WDFY2: variants seen among roughly 807,000 people sequenced by gnomAD.
The protein encoded by WDFY2 is WD repeat and FYVE domain-containing protein 2.
WDFY2 carries 36 observed loss-of-function variants against 56.4 expected under a neutral mutation model. The ratio of observed to expected loss-of-function variants is 0.64; its 90% CI spans 0.49 to 0.84. The LOEUF (loss-of-function observed/expected upper bound fraction) is 0.84, where lower values mean the gene tolerates loss of function less well. Among genes scored for constraint, WDFY2 ranks in the 40% least tolerant of loss-of-function variants. The pLI, the probability that WDFY2 is intolerant of heterozygous loss-of-function variation, is 0.00. For synonymous variants in WDFY2, 176 were observed against 183.7 expected (o/e 0.96, Z 0.34); for missense variants, 444 against 512.2 (o/e 0.87, Z 1.29).
chr13:51,661,182 T>C (rs1955604813), intron 2 of WDFY2, among the ~76,000 whole-genome samples: 1 of 152,222 alleles, frequency 6.6e-6, no homozygotes. Flanking sequence ...CACTGATAAA[T>C]AATGGATCTT....
chr13:51,756,618 G>A, intron 10 of WDFY2, 156 bp downstream of exon 10: 1 of 985,394 alleles, frequency 1.0e-6, no homozygotes, highest in Non-Finnish European at 1.2e-6. Flanking sequence ...TTGCCACCAA[G>A]AGATTTGTGG....
In WDFY2 at chr13:51,649,788, G is replaced by A. The variant is rs186509936; in HGVS notation, c.138-10808G>A. Among the ~76,000 whole-genome samples, 342 of 152,122 alleles carry A rather than the reference G, an allele frequency of 2.2e-3. 2 individuals carry two copies. Among genetic ancestry groups the A allele is most frequent in the African/African-American group, 7.8e-3 (325 of 41,484 alleles). ...TTCTATTGGTCTATATCTCTGTTTTGGTACCAGTAACATGCTGTTTTGGTT... is the reference window on the plus strand; with the variant it reads ...TTCTATTGGTCTATATCTCTGTTTTAGTACCAGTAACATGCTGTTTTGGTT... On this transcript the variant is annotated intron_variant, in intron 1 of 11. Transcript: ENST00000298125.
At chr13:51,631,332 A>G (rs927393808) in intron 1 of WDFY2, among the ~76,000 whole-genome samples, 3 of 151,336 alleles carry the variant, frequency 2.0e-5, no homozygotes, top group Non-Finnish European at 4.4e-5. Context: ...TTCAGTCAGC[A>G]GTGAGCCATG....
At chr13:51,711,484 C>T (rs1283064037) in intron 4 of WDFY2, among the ~76,000 whole-genome samples, 1 of 152,132 alleles carries the variant, frequency 6.6e-6, no homozygotes, top group East Asian at 1.9e-4. Context: ...AAAGAAACTA[C>T]CATCAGAGTG....
intron 3 of WDFY2, among the ~76,000 whole-genome samples, chr13:51,703,205 A>G (rs1428145558): frequency 6.6e-6 from 1 of 152,226 alleles, no homozygotes; most frequent in Non-Finnish European, 1.5e-5. Flanking sequence ...AATCTTTAAA[A>G]TATCTAATTT....
At chr13:51,652,305 T>C (rs564025401) in intron 1 of WDFY2, among the ~76,000 whole-genome samples, 47 of 152,312 alleles carry the variant, frequency 3.1e-4, no homozygotes, top group Admixed American at 1.7e-3. Flanking sequence ...TGTCTCTGCA[T>C]GTGAGATGGG....
At chr13:51,705,796 T>C (rs1952070931) in intron 4 of WDFY2, among the ~76,000 whole-genome samples, 3 of 152,196 alleles carry the variant, frequency 2.0e-5, no homozygotes, top group Admixed American at 2.0e-4. Context: ...TCTTCAGTAC[T>C]TTTGAAGCTG....
rs116950358 is a variant in WDFY2, at chr13:51,675,002, G to A, written c.206-168G>A. Among the ~76,000 whole-genome samples, 1,118 of 152,280 alleles carry A rather than the reference G, an allele frequency of 7.3e-3. 69 individuals carry two copies. In the East Asian group the frequency reaches 0.16, roughly 22 times the overall value. On this transcript the variant is annotated intron_variant, in intron 2 of 11. Coordinates refer to ENST00000298125, the MANE Select transcript of WDFY2 (RefSeq NM_052950.4). The stretch of plus-strand genomic sequence containing the variant: ...AAAAGGATAACTGAACAACTATGGG[G>A]TGGCTGTAAAATTACTGTTTTTATT...
At chr13:51,628,753 G>A (rs1170280926) in intron 1 of WDFY2, among the ~76,000 whole-genome samples, 3 of 152,232 alleles carry the variant, frequency 2.0e-5, no homozygotes, top group African/African-American at 7.2e-5. Context: ...TGCAAGTCAT[G>A]TTTAACTGAA....
intron 3 of WDFY2, among the ~76,000 whole-genome samples, chr13:51,677,778 C>A (rs1434944890): frequency 6.6e-6 from 1 of 151,856 alleles, no homozygotes; most frequent in Admixed American, 6.6e-5. Context: ...AGTACTGGAG[C>A]AAGATCTGGT....
intron 8 of WDFY2, among the ~76,000 whole-genome samples, chr13:51,752,256 A>T (rs953334836): frequency 7.2e-5 from 11 of 152,234 alleles, no homozygotes; most frequent in Non-Finnish European, 1.5e-4. Flanking sequence ...GCTTAAGAAG[A>T]TTAAAGCTTT....
intron 3 of WDFY2, 53 bp downstream of exon 3, chr13:51,675,296 T>G (rs1955868044): frequency 2.1e-6 from 3 of 1,460,804 alleles, no homozygotes; most frequent in South Asian, 2.4e-5. Flanking sequence ...TCCTGTGGAG[T>G]ATGTATATGT....
intron 4 of WDFY2, among the ~76,000 whole-genome samples, chr13:51,707,939 CTTTTTTTTT>C (rs56054205): frequency 3.8e-4 from 22 of 57,560 alleles, no homozygotes; most frequent in Admixed American, 1.6e-3. Context: ...CCTAAAACAA[CTTTTTTTTT>C]TTTTTTTTTT....
chr13:51,747,287 C>G (rs547653849), intron 7 of WDFY2, among the ~76,000 whole-genome samples: 1 of 152,242 alleles, frequency 6.6e-6, no homozygotes, highest in Non-Finnish European at 1.5e-5. Context: ...CTATATAACT[C>G]TTTCCTAAGA....
intron 6 of WDFY2, among the ~76,000 whole-genome samples, chr13:51,734,387 A>G (rs1187850254): frequency 6.6e-6 from 1 of 152,264 alleles, no homozygotes; most frequent in Non-Finnish European, 1.5e-5. Flanking sequence ...AGAAAAATTC[A>G]TACTTAAAAG....
At chr13:51,592,810 T>C (rs1954076445) in intron 1 of WDFY2, among the ~76,000 whole-genome samples, 1 of 151,972 alleles carries the variant, frequency 6.6e-6, no homozygotes, top group East Asian at 1.9e-4. Context: ...CGCTCTGGAG[T>C]ATGTTTACAT....
intron 2 of WDFY2, among the ~76,000 whole-genome samples, chr13:51,674,886 G>C (rs1955861158): frequency 6.6e-6 from 1 of 152,174 alleles, no homozygotes. Context: ...ATCTAGTTAA[G>C]CAAATTTAGA....
intron 3 of WDFY2, among the ~76,000 whole-genome samples, chr13:51,677,201 A>G (rs922924899): frequency 1.3e-5 from 2 of 152,228 alleles, no homozygotes; most frequent in African/African-American, 4.8e-5. Flanking sequence ...ATGTCAGTAC[A>G]GGGTTGAGAC....
At chr13:51,637,372 G>A (rs1394580004) in intron 1 of WDFY2, among the ~76,000 whole-genome samples, 1 of 152,032 alleles carries the variant, frequency 6.6e-6, no homozygotes, top group African/African-American at 2.4e-5. Context: ...GAAAGTGCTA[G>A]CAAATTGTAG....
Sources: gnomAD v4.1 joint callset for allele counts (sites outside exome capture counted in the v4.1 genomes callset) on GRCh38, gnomAD v4.1.1 for gene constraint, MANE v1.5 for transcripts, NCBI Gene and HGNC (gene_info 2026-07-23, HGNC 2026-07-21) for gene names.